The following ABLIM1 variants were observed in gnomAD, a reference collection of about 807,000 sequenced individuals.
ABLIM1 encodes actin binding LIM protein 1.
Under a neutral mutation model 107.0 loss-of-function variants are expected in ABLIM1, and 40 were observed. The ratio of observed to expected loss-of-function variants is 0.37; its 90% confidence interval spans 0.29 to 0.49. The LOEUF (loss-of-function observed/expected upper bound fraction) is 0.49, where lower values mean the gene tolerates loss of function less well. Among genes scored for constraint, ABLIM1 ranks in the 20% least tolerant of loss-of-function variants. The pLI is 0.97. For missense variants in ABLIM1, 857 were observed against 1,008.5 expected (o/e 0.85, Z 2.04); for synonymous variants, 357 against 357.3 (o/e 1.00, Z 0.01).
intron 1 of ABLIM1, chr10:114,690,493 C>G: frequency 6.5e-7 from 1 of 1,547,230 alleles, no homozygotes; most frequent in Non-Finnish European, 8.9e-7. Flanking sequence ...AAGCGGGAGC[C>G]CTTACAACCA....
intron 6 of ABLIM1, among the ~76,000 whole-genome samples, chr10:114,504,909 A>C (rs1424599725): frequency 3.3e-5 from 5 of 151,990 alleles, no homozygotes; most frequent in Non-Finnish European, 4.4e-5. Context: ...GAGAAATGTT[A>C]ATTCTTTATA....
the ABLIM1 span, among the ~76,000 whole-genome samples, chr10:114,775,004 A>C: frequency 1.6e-4 from 25 of 152,122 alleles, no homozygotes; most frequent in Non-Finnish European, 3.4e-4. Context: ...TTTATAAAGG[A>C]AACAGGTTTA....
chr10:114,677,098 G>A (rs987936787), intron 1 of ABLIM1, among the ~76,000 whole-genome samples: 3 of 152,024 alleles, frequency 2.0e-5, no homozygotes, highest in Non-Finnish European at 4.4e-5. Flanking sequence ...CCTCCCTCTG[G>A]GGGACCCTCC....
intron 1 of ABLIM1, among the ~76,000 whole-genome samples, chr10:114,695,662 T>A (rs955504740): frequency 1.3e-5 from 2 of 152,228 alleles, no homozygotes; most frequent in Middle Eastern, 6.8e-3. Context: ...CCATTACAAT[T>A]CAACAACTTT....
chr10:114,708,557 C>G (rs1054114466), intron 1 of ABLIM1, among the ~76,000 whole-genome samples: 5 of 152,048 alleles, frequency 3.3e-5, no homozygotes, highest in African/African-American at 1.2e-4. Flanking sequence ...AGAGGGGGTA[C>G]AGGGGAAAAC....
chr10:114,695,880 G>A (rs1362408264), intron 1 of ABLIM1, among the ~76,000 whole-genome samples: 1 of 152,098 alleles, frequency 6.6e-6, no homozygotes, highest in Admixed American at 6.5e-5. Context: ...GTTTCTTTGG[G>A]AAAACAGAGT....
At chr10:114,536,088 C>T (rs926579379) in intron 6 of ABLIM1, among the ~76,000 whole-genome samples, 2 of 151,984 alleles carry the variant, frequency 1.3e-5, no homozygotes, top group African/African-American at 4.8e-5. Context: ...AGCAGTCATT[C>T]GTTATTTCCC....
At chr10:114,551,976 G>T (rs570810792) in intron 4 of ABLIM1, among the ~76,000 whole-genome samples, 5 of 152,248 alleles carry the variant, frequency 3.3e-5, no homozygotes, top group African/African-American at 1.2e-4. Context: ...CAGCTGGTAA[G>T]GTTGGGCTGC....
intron 1 of ABLIM1, among the ~76,000 whole-genome samples, chr10:114,648,104 T>C (rs1186045191): frequency 9.2e-5 from 14 of 152,234 alleles, no homozygotes; most frequent in Admixed American, 9.2e-4. Context: ...GTATAGCCAC[T>C]GTAGAAAACG....
intron 2 of ABLIM1, among the ~76,000 whole-genome samples, chr10:114,594,571 G>A (rs2075233314): frequency 1.3e-5 from 2 of 152,132 alleles, no homozygotes. Flanking sequence ...CCAACATGGT[G>A]AAACCCCATC....
At chr10:114,458,759 C>T (rs182941752) in intron 12 of ABLIM1, among the ~76,000 whole-genome samples, 68 of 152,232 alleles carry the variant, frequency 4.5e-4, no homozygotes, top group Admixed American at 4.4e-3. Flanking sequence ...CTCAGAAATC[C>T]AATTTATACT....
chr10:114,479,482 C>T (rs2057016290), intron 8 of ABLIM1, among the ~76,000 whole-genome samples: 1 of 152,214 alleles, frequency 6.6e-6, no homozygotes, highest in African/African-American at 2.4e-5. Context: ...TCCTTGAGAA[C>T]TCTGTGAAGT....
At chr10:114,777,114 AT>A in the ABLIM1 span, among the ~76,000 whole-genome samples, 1 of 151,402 alleles carries the variant, frequency 6.6e-6, no homozygotes, top group South Asian at 2.1e-4. Flanking sequence ...CTTTTGCCCC[AT>A]TTTTTTCTTC....
chr10:114,774,297 A>G, the ABLIM1 span, among the ~76,000 whole-genome samples: 2 of 152,214 alleles, frequency 1.3e-5, no homozygotes, highest in Non-Finnish European at 1.5e-5. Context: ...AGAAGCAAAT[A>G]AAGTGAGTCC....
intron 6 of ABLIM1, among the ~76,000 whole-genome samples, chr10:114,503,255 G>A (rs946785309): frequency 3.9e-5 from 6 of 152,048 alleles, no homozygotes; most frequent in Non-Finnish European, 5.9e-5. Flanking sequence ...GTTCAAGACT[G>A]GCCTGGGTAA....
rs1015248590 is a variant in ABLIM1 at position 114,619,920 on chromosome 10, A to G, written c.245-17959T>C. Among the ~76,000 whole-genome samples, 7 of 151,960 alleles carry G rather than the reference A, an allele frequency of 4.6e-5. No homozygotes were observed. Among genetic ancestry groups the G allele is most frequent in the Non-Finnish European group, 7.3e-5 (5 of 68,044 alleles). ...ATTCCGGCCAACTTCTGTTAAGGAT[A>G]AAGTGGCAAATGAAAGATTCAGACA... On this transcript the variant is annotated intron_variant, in intron 1 of 22. Coordinates refer to ENST00000533213, the MANE Select transcript of ABLIM1 (RefSeq NM_002313.7). The surrounding 1 kb of genome is among the most constrained non-coding windows in gnomAD (Gnocchi z 4.1).
At chr10:114,627,391 T>A (rs1457471234) in intron 1 of ABLIM1, among the ~76,000 whole-genome samples, 1 of 152,142 alleles carries the variant, frequency 6.6e-6, no homozygotes, top group Non-Finnish European at 1.5e-5. Flanking sequence ...TACCAATGCC[T>A]CTTTAAACAT....
At position 114,441,016 on chromosome 10, in the gene ABLIM1, C is replaced by T. The variant is rs1472256434; in HGVS notation, c.2059+1G>A. The T allele has an allele frequency of 1.3e-6, 2 of 1,586,740 alleles. No individual in the cohort carries two copies. Among genetic ancestry groups the T allele is most frequent in the Non-Finnish European group, 1.7e-6 (2 of 1,165,158 alleles). ...GCTCAGCCTGGCCATGGGAGCCTCA[C>T]CTCGCACTCCCCCGCTGACATCCCC... On this transcript the variant is annotated splice_donor_variant, in intron 19 of 22. Coordinates refer to ENST00000533213, the MANE Select transcript of ABLIM1 (RefSeq NM_002313.7). LOFTEE classifies it high-confidence loss of function.
chr10:114,707,577 C>T lies in ABLIM1; in HGVS notation c.-213+60484G>A, dbSNP rs114567561. On this transcript the variant is annotated intron_variant, in intron 1 of 15. Coordinates refer to the ABLIM1 transcript ENST00000651092. The surrounding 1 kb of genome is among the most constrained non-coding windows in gnomAD (Gnocchi z 4.1). ...ATTTGCTAAACCATCAATCCTGCTG[C>T]CCCTGGCTTCCTGAGTACTAGTCAT... is the stretch of plus-strand genomic sequence containing the variant. Among the ~76,000 whole-genome samples the T allele has an allele frequency of 1.0e-2, 1,521 of 152,238 alleles. 26 individuals carry two copies. The highest frequency in any genetic ancestry group is 0.033 in the African/African-American group (1,377 of 41,558).
Sources: allele counts gnomAD v4.1 joint callset (sites outside exome capture counted in the v4.1 genomes callset), GRCh38; gene constraint gnomAD v4.1.1; non-coding constraint Gnocchi (gnomAD v3.1); transcripts MANE v1.5; gene names NCBI Gene and HGNC (gene_info 2026-07-23, HGNC 2026-07-21).